IPCEF1: variants seen among roughly 807,000 people sequenced by gnomAD.
IPCEF1 encodes the protein interactor protein for cytohesin exchange factors 1.
IPCEF1 carries 31 observed loss-of-function variants against 50.9 expected under a neutral mutation model. The observed-to-expected ratio is 0.61, with a 90% confidence interval of 0.46 to 0.82. The LOEUF (loss-of-function observed/expected upper bound fraction) is 0.82, where lower values mean the gene tolerates loss of function less well. IPCEF1 is among the 40% of genes least tolerant of loss of function. IPCEF1 has a pLI of 0.00. For missense variants in IPCEF1, 458 were observed against 514.0 expected (o/e 0.89, Z 1.05); for synonymous variants, 181 against 192.0 (o/e 0.94, Z 0.47).
At chr6:154,219,985 AGTGTGTGTGTGTGT>A (rs57450665) in intron 7 of IPCEF1, among the ~76,000 whole-genome samples, 56 of 140,138 alleles carry the variant, frequency 4.0e-4, no homozygotes, top group Middle Eastern at 3.6e-3. Flanking sequence ...ACCTGTAAGG[AGTGTGTGTGTGTGT>A]GTGTGTGTGT....
At chr6:154,215,063 G>T (rs908570913) in intron 7 of IPCEF1, among the ~76,000 whole-genome samples, 36 of 152,120 alleles carry the variant, frequency 2.4e-4, no homozygotes, top group African/African-American at 8.7e-4. Context: ...GGAGGATCTT[G>T]CTTATTTCTG....
At chr6:154,217,499 C>A (rs936866199) in intron 7 of IPCEF1, 1 of 151,294 alleles carries the variant, frequency 6.6e-6, no homozygotes, top group African/African-American at 2.4e-5. Context: ...AGCATCGATT[C>A]AGCATAAAAT....
rs879383764 is a variant in IPCEF1, at chr6:154,322,836, C to CA, written c.-61-33081dup. Among the ~76,000 whole-genome samples the CA allele has an allele frequency of 3.9e-3, 524 of 132,842 alleles. 2 individuals are homozygous for CA. Among genetic ancestry groups the CA allele is most frequent in the African/African-American group, 0.011 (390 of 36,062 alleles). 87.1% of individuals were successfully genotyped at this position (132,842 alleles called of 152,430 possible). A position where few individuals can be genotyped will look rare whatever the true frequency, so the allele number is the denominator to read the frequency against. On this transcript the variant is annotated intron_variant, in intron 1 of 11. Transcript: ENST00000367220. ...TGGAGGAGAGAATGAGACTTTGTCTCAAAAAAAAAAAAATTATCTCGAAAG... is the reference window on the plus strand; with the variant it reads ...TGGAGGAGAGAATGAGACTTTGTCTCAAAAAAAAAAAAAATTATCTCGAAAG...
intron 11 of IPCEF1, among the ~76,000 whole-genome samples, chr6:154,166,217 TTCACCAATGACGAGG>T (rs1799411796): frequency 6.6e-6 from 1 of 152,238 alleles, no homozygotes; most frequent in Non-Finnish European, 1.5e-5. Flanking sequence ...AGCTGCTGAA[TTCACCAATGACGAGG>T]TCACAGAGAC....
chr6:154,323,511 G>A (rs75667676), intron 1 of IPCEF1, among the ~76,000 whole-genome samples: 2 of 55,850 alleles, frequency 3.6e-5, no homozygotes, highest in East Asian at 3.0e-4. Flanking sequence ...ACATTTATTT[G>A]GTATTTACAA....
intron 1 of IPCEF1, among the ~76,000 whole-genome samples, chr6:154,354,265 A>G (rs575058031): frequency 1.3e-5 from 2 of 152,098 alleles, no homozygotes; most frequent in South Asian, 2.1e-4. Context: ...TACCTCCACC[A>G]TTACCTCTAC....
intron 3 of IPCEF1, among the ~76,000 whole-genome samples, chr6:154,263,085 C>T (rs1189428203): frequency 6.6e-6 from 1 of 151,962 alleles, no homozygotes; most frequent in Admixed American, 6.6e-5. Context: ...TGCTTATAAT[C>T]TTAAAATGGA....
chr6:154,305,245 G>A (rs918022343), intron 1 of IPCEF1, among the ~76,000 whole-genome samples: 2 of 152,184 alleles, frequency 1.3e-5, no homozygotes, highest in African/African-American at 4.8e-5. Flanking sequence ...AAAACCAGTA[G>A]GAGGTCAATA....
intron 10 of IPCEF1, among the ~76,000 whole-genome samples, chr6:154,170,385 A>G (rs1380733259): frequency 1.3e-5 from 2 of 152,180 alleles, no homozygotes; most frequent in Non-Finnish European, 2.9e-5. Flanking sequence ...AGGAGCATCA[A>G]AACCAAGCAA....
intron 1 of IPCEF1, among the ~76,000 whole-genome samples, chr6:154,356,034 C>T (rs951415290): frequency 6.6e-6 from 1 of 152,070 alleles, no homozygotes; most frequent in Admixed American, 6.6e-5. Context: ...ACACATAGGC[C>T]ACTCAAGACT....
chr6:154,313,067 C>CAAAAAAAAAAAAAAAAAAAAAAA lies in IPCEF1; in HGVS notation c.-61-23312_-61-23311insTTTTTTTTTTTTTTTTTTTTTTT, dbSNP rs71021040. Among the ~76,000 whole-genome samples, 4 of 59,062 alleles carry CAAAAAAAAAAAAAAAAAAAAAAA rather than the reference C, an allele frequency of 6.8e-5. 1 individual carries two copies. Among genetic ancestry groups the CAAAAAAAAAAAAAAAAAAAAAAA allele is most frequent in the African/African-American group, 4.2e-4 (4 of 9,540 alleles). 38.7% of individuals were successfully genotyped at this position (59,062 alleles called of 152,430 possible). A position where few individuals can be genotyped will look rare whatever the true frequency, so the allele number is the denominator to read the frequency against. ...CACTGCAGGCTGTGAGGCCCTGTCT[C>CAAAAAAAAAAAAAAAAAAAAAAA]AAAAAAAAAAAAAAAAAAACATGGC... On this transcript the variant is annotated intron_variant, in intron 1 of 11. Transcript: ENST00000367220.
At chr6:154,171,870 C>A (rs1487604110) in intron 10 of IPCEF1, among the ~76,000 whole-genome samples, 2 of 152,158 alleles carry the variant, frequency 1.3e-5, no homozygotes, top group East Asian at 3.9e-4. Context: ...TAAAAAAATA[C>A]AGCTAACAAG....
intron 1 of IPCEF1, among the ~76,000 whole-genome samples, chr6:154,316,259 T>C (rs1293927): frequency 0.77 from 117,709 of 152,140 alleles, 45,900 homozygotes; most frequent in East Asian, 0.89. Flanking sequence ...TTTTTTTAGA[T>C]GTATGCTATT....
intron 5 of IPCEF1, among the ~76,000 whole-genome samples, chr6:154,240,018 A>T (rs1452777640): frequency 1.3e-5 from 2 of 152,134 alleles, no homozygotes; most frequent in African/African-American, 4.8e-5. Flanking sequence ...AAACATTTCA[A>T]AACATTGGAA....
rs1366112237 is a variant in IPCEF1 at position 154,210,936 on chromosome 6, G to GTTATTTT, written c.537+1833_537+1834insAAAATAA. Among the ~76,000 whole-genome samples the GTTATTTT allele has an allele frequency of 1.3e-4, 20 of 152,204 alleles. No individual in the cohort carries two copies. The South Asian group carries it at 4.1e-3, about 32-fold the overall frequency. Reference sequence around the variant, plus strand: ...CTGACAGTGTGAAAAAACAGTAGAGGTCATTATTTAAATAATCAATATAAT... The same window carrying GTTATTTT: ...CTGACAGTGTGAAAAAACAGTAGAGGTTATTTTTCATTATTTAAATAATCAATATAAT... On this transcript the variant is annotated intron_variant, in intron 9 of 11. Transcript: ENST00000367220.
intron 2 of IPCEF1, among the ~76,000 whole-genome samples, chr6:154,271,394 T>C (rs1274779816): frequency 2.0e-5 from 3 of 151,982 alleles, no homozygotes; most frequent in Non-Finnish European, 1.5e-5. Context: ...TAAAAATCCA[T>C]ATGATAGTGG....
chr6:154,296,422 A>G (rs1243067091), intron 1 of IPCEF1, among the ~76,000 whole-genome samples: 2 of 152,196 alleles, frequency 1.3e-5, no homozygotes, highest in African/African-American at 2.4e-5. Context: ...ACTCCACCGC[A>G]TGCCCTAGAA....
In IPCEF1 at chr6:154,156,568, T is replaced by C. The variant is rs1039180882; in HGVS notation, c.*3260A>G. On this transcript the variant is annotated 3_prime_UTR_variant, in exon 12 of 12. Transcript: ENST00000367220. ...GGGAGGGGGCTGAAAACACACCAAT[T>C]TGCAAACTACAAAGTGCTGTGTAAA... 6.6e-6 allele frequency: 1 copy of C among 152,196 alleles called. No homozygotes were observed. The highest frequency in any genetic ancestry group is 2.4e-5 in the African/African-American group (1 of 41,424). The allele number at this position is 152,196 out of a possible 1,614,324, so 9.4% of individuals were successfully genotyped here. A position where few individuals can be genotyped will look rare whatever the true frequency, so the allele number is the denominator to read the frequency against.
At position 154,172,496 on chromosome 6, in the gene IPCEF1, C is replaced by G. The variant is rs535439114; in HGVS notation, c.911-4383G>C. Among the ~76,000 whole-genome samples, 879 of 152,342 alleles carry G rather than the reference C, an allele frequency of 5.8e-3. 11 individuals are homozygous for G. Among genetic ancestry groups the G allele is most frequent in the African/African-American group, 0.02 (852 of 41,576 alleles). On this transcript the variant is annotated intron_variant, in intron 10 of 11. Coordinates refer to ENST00000367220, the MANE Select transcript of IPCEF1 (RefSeq NM_001130700.2). ...CAGACCAGGAGATTCCCTCCCATGCCTGGCTCGGTGGGTCCCACACCCATG... is the reference window on the plus strand; with the variant it reads ...CAGACCAGGAGATTCCCTCCCATGCGTGGCTCGGTGGGTCCCACACCCATG...
Sources: allele counts gnomAD v4.1 joint callset (sites outside exome capture counted in the v4.1 genomes callset), GRCh38; gene constraint gnomAD v4.1.1; transcripts MANE v1.5; gene names NCBI Gene and HGNC (gene_info 2026-07-23, HGNC 2026-07-21).